The following SPATA13 variants were observed in gnomAD, a reference collection of about 807,000 sequenced individuals.
SPATA13 encodes spermatogenesis-associated protein 13.
SPATA13 carries 50 observed loss-of-function variants against 104.0 expected under a neutral mutation model. That is an observed-to-expected ratio of 0.48 (90% confidence interval 0.38 to 0.61). The LOEUF (loss-of-function observed/expected upper bound fraction) is 0.61. SPATA13 is among the 20% of genes least tolerant of loss of function. The pLI, the probability that SPATA13 is intolerant of heterozygous loss-of-function variation, is 0.00. For missense variants in SPATA13, 1,524 were observed against 1,690.6 expected, an observed-to-expected ratio of 0.90 and a Z score of 1.73; for synonymous variants, 606 against 667.5, an observed-to-expected ratio of 0.91 and a Z score of 1.42.
chr13:24,015,094 G>A (rs1028615374), intron 2 of SPATA13, among the ~76,000 whole-genome samples: 1 of 151,938 alleles, frequency 6.6e-6, no homozygotes, highest in Non-Finnish European at 1.5e-5. Context: ...GGGTTTCACC[G>A]TGTTAGGCAG....
At chr13:24,281,284 C>A (rs1353461919) in intron 4 of SPATA13, among the ~76,000 whole-genome samples, 1 of 152,256 alleles carries the variant, frequency 6.6e-6, no homozygotes, top group Non-Finnish European at 1.5e-5. Context: ...AGCTCACTTT[C>A]ACTTTTTCCT....
At chr13:24,237,840 G>A (rs944531608) in intron 2 of SPATA13, among the ~76,000 whole-genome samples, 1 of 145,346 alleles carries the variant, frequency 6.9e-6, no homozygotes, top group African/African-American at 2.5e-5. Flanking sequence ...CATTATATAT[G>A]TATATATAAA....
intron 3 of SPATA13, among the ~76,000 whole-genome samples, chr13:24,132,372 T>C (rs761392107): frequency 2.0e-5 from 3 of 152,180 alleles, no homozygotes; most frequent in Non-Finnish European, 4.4e-5. Context: ...CAAGTCCTAA[T>C]TTATGCTGTA....
At chr13:23,991,365 G>A (rs1480370835) in intron 2 of SPATA13, among the ~76,000 whole-genome samples, 1 of 152,208 alleles carries the variant, frequency 6.6e-6, no homozygotes, top group Non-Finnish European at 1.5e-5. Context: ...GGTCTAATCA[G>A]TATGCAGTCC....
chr13:24,002,105 A>G (rs1329424019), intron 2 of SPATA13, among the ~76,000 whole-genome samples: 2 of 152,088 alleles, frequency 1.3e-5, no homozygotes, highest in Admixed American at 1.3e-4. Context: ...AGGTGGGGTC[A>G]GGTACATGTT....
At chr13:24,264,079 C>T (rs1329539234) in intron 4 of SPATA13, among the ~76,000 whole-genome samples, 4 of 152,162 alleles carry the variant, frequency 2.6e-5, no homozygotes, top group Admixed American at 6.5e-5. Context: ...TGCCTATCAT[C>T]GAGATTTTTT....
Position 24,224,524 on chromosome 13 carries a change from A to G in SPATA13, c.1595A>G (p.Lys532Arg). The change falls in exon 2 of 13, where the codon AAG becomes AGG. Residue 532 changes from lysine (K) to arginine (R), a missense_variant. Transcript: ENST00000382108. ...GCCACACATGGTGATGAGGGCAGCA[A>G]GGACCTTCTGGTGAACATTGGTGTG... is the stretch of plus-strand genomic sequence containing the variant. ...LEATHGDEGS[K>R]DLLVNIGVAA... 1.9e-6 allele frequency: 3 copies of G among 1,546,794 alleles called. No homozygotes were observed. Among genetic ancestry groups the G allele is most frequent in the Non-Finnish European group, 2.6e-6 (3 of 1,146,944 alleles).
chr13:24,282,223 T>C (rs1875591216), intron 4 of SPATA13, among the ~76,000 whole-genome samples: 1 of 152,060 alleles, frequency 6.6e-6, no homozygotes, highest in Non-Finnish European at 1.5e-5. Context: ...ACATGGCCAG[T>C]GCAGGTAAGA....
chr13:24,198,139 G>T (rs1870178114), intron 1 of SPATA13, among the ~76,000 whole-genome samples: 1 of 152,084 alleles, frequency 6.6e-6, no homozygotes, highest in South Asian at 2.1e-4. Context: ...GGGATTACAG[G>T]CGCCCGCCAC....
chr13:24,176,734 G>A (rs1184507428), intron 1 of SPATA13, among the ~76,000 whole-genome samples: 2 of 152,150 alleles, frequency 1.3e-5, no homozygotes, highest in Non-Finnish European at 2.9e-5. Context: ...AAATGATAAT[G>A]AAATGATTGA....
intron 4 of SPATA13, among the ~76,000 whole-genome samples, chr13:24,263,351 A>G (rs1381998283): frequency 6.6e-6 from 1 of 152,150 alleles, no homozygotes; most frequent in Non-Finnish European, 1.5e-5. Flanking sequence ...GAGCACTTGG[A>G]TTGTTAGGTG....
chr13:24,270,047 C>T (rs2138693636), intron 4 of SPATA13, among the ~76,000 whole-genome samples: 1 of 152,178 alleles, frequency 6.6e-6, no homozygotes, highest in East Asian at 1.9e-4. Flanking sequence ...TAAGAGATGA[C>T]TGTGAGGTCA....
chr13:24,281,531 T>C (rs530757032), intron 4 of SPATA13, among the ~76,000 whole-genome samples: 1 of 152,284 alleles, frequency 6.6e-6, no homozygotes, highest in African/African-American at 2.4e-5. Context: ...TGCGGACCCA[T>C]GGGCCATGCC....
chr13:24,096,364 T>C (rs1013658269), intron 3 of SPATA13, among the ~76,000 whole-genome samples: 27 of 152,044 alleles, frequency 1.8e-4, no homozygotes, highest in Admixed American at 9.2e-4. Flanking sequence ...GAGAGGCAGA[T>C]GCAGGTGGAT....
chr13:24,140,008 G>A (rs1267542144), intron 3 of SPATA13, among the ~76,000 whole-genome samples: 1 of 151,252 alleles, frequency 6.6e-6, no homozygotes, highest in Non-Finnish European at 1.5e-5. Flanking sequence ...GCGGAGCTTG[G>A]CAGTGAGCCA....
intron 3 of SPATA13, among the ~76,000 whole-genome samples, chr13:24,044,238 T>C (rs1441016252): frequency 4.1e-5 from 6 of 145,668 alleles, no homozygotes; most frequent in African/African-American, 1.2e-4. Context: ...TCTTTCTTTT[T>C]TTTTTTTTTT....
intron 3 of SPATA13, among the ~76,000 whole-genome samples, chr13:24,083,351 A>AC (rs1272987532): frequency 6.6e-6 from 1 of 152,162 alleles, no homozygotes; most frequent in Non-Finnish European, 1.5e-5. Context: ...GTCCATTTCA[A>AC]CTCTACCCCA....
intron 1 of SPATA13, among the ~76,000 whole-genome samples, chr13:24,172,285 A>C (rs1883006347): frequency 6.6e-6 from 1 of 152,202 alleles, no homozygotes; most frequent in Non-Finnish European, 1.5e-5. Context: ...GTGGTTTGCA[A>C]ATGTTTTCTG....
At chr13:24,041,563 G>A (rs751588665) in intron 3 of SPATA13, among the ~76,000 whole-genome samples, 1 of 152,244 alleles carries the variant, frequency 6.6e-6, no homozygotes, top group South Asian at 2.1e-4. Context: ...GATGTTGGAA[G>A]CACAGATAAA....
Sources: gnomAD v4.1 joint callset for allele counts (sites outside exome capture counted in the v4.1 genomes callset) on GRCh38, gnomAD v4.1.1 for gene constraint, MANE v1.5 for transcripts, NCBI Gene and HGNC (gene_info 2026-07-23, HGNC 2026-07-21) for gene names.